The following NFASC variants were observed in gnomAD, a reference collection of about 807,000 sequenced individuals.
NFASC encodes neurofascin homolog.
A neutral mutation model predicts 147.5 loss-of-function variants in NFASC; 43 were observed. The observed-to-expected ratio is 0.29, with a 90% CI of 0.23 to 0.38. The LOEUF (loss-of-function observed/expected upper bound fraction) is 0.38, where lower values mean the gene tolerates loss of function less well. NFASC is among the 10% of genes least tolerant of loss of function. The pLI, the probability that NFASC is intolerant of heterozygous loss-of-function variation, is 1.00. For synonymous variants in NFASC, 622 were observed against 665.5 expected (o/e 0.93, Z 1.01); for missense variants, 1,320 against 1,689.0 (o/e 0.78, Z 3.83).
In NFASC at chr1:205,009,548, C is replaced by T. The variant is rs193298144; in HGVS notation, c.3290-9C>T. On this transcript the variant is annotated splice_polypyrimidine_tract_variant and intron_variant, in intron 27 of 29. Coordinates refer to ENST00000339876, the MANE Select transcript of NFASC (RefSeq NM_001005388.3). ...CATTCACGGGTTTGCTTCCGGCCCT[C>T]CCCGCCAGCTTACACCAACAACCAA... 3.5e-4 allele frequency: 567 copies of T among 1,613,888 alleles called. 1 individual carries two copies. The African/African-American group carries it at 6.3e-3, about 18-fold the overall frequency.
chr1:204,975,229 C>A lies in NFASC; in HGVS notation c.1559-42C>A. The A allele has an allele frequency of 1.3e-6, 2 of 1,568,296 alleles. No individual in the cohort carries two copies. Among genetic ancestry groups the A allele is most frequent in the Non-Finnish European group, 1.7e-6 (2 of 1,155,306 alleles). ...TTTGTGGCCGCATGGGGATGCTGGG[C>A]AGAGAACAGGCCAGTGGCGAGTGCT... is the stretch of plus-strand genomic sequence containing the variant. On this transcript the variant is annotated intron_variant, in intron 14 of 29. Coordinates refer to ENST00000339876, the MANE Select transcript of NFASC (RefSeq NM_001005388.3). This position sits in a 1 kb window ranked among gnomAD's most constrained non-coding sequence, Gnocchi z 4.0.
chr1:204,974,144 C>G (rs2095340739), intron 12 of NFASC, 35 bp from the exon 13 acceptor site: 1 of 1,551,800 alleles, frequency 6.4e-7, no homozygotes, highest in East Asian at 2.3e-5. Flanking sequence ...AGAGTTTAGA[C>G]TTGGCACTCG....
chr1:204,869,483 A>G (rs1255503640), intron 1 of NFASC, among the ~76,000 whole-genome samples: 1 of 152,188 alleles, frequency 6.6e-6, no homozygotes, highest in African/African-American at 2.4e-5. Flanking sequence ...TTTGATTAAA[A>G]TATTTTACTA....
intron 24 of NFASC, 27 bp from the exon 25 acceptor site, chr1:204,997,143 C>A: frequency 6.3e-7 from 1 of 1,592,990 alleles, no homozygotes; most frequent in Non-Finnish European, 8.6e-7. Context: ...ACCAACCAGA[C>A]TCGGCTGTTT....
Position 204,987,350 on chromosome 1 carries a change from T to G in NFASC, c.2471-68T>G. ...AATGCCTTCATACTTGTGCTTTGTT[T>G]TTTGTGTTTTCCTCATCCTCCCTGC... On this transcript the variant is annotated intron_variant, in intron 21 of 29. Coordinates refer to ENST00000339876, the MANE Select transcript of NFASC (RefSeq NM_001005388.3). This position sits in a 1 kb window ranked among gnomAD's most constrained non-coding sequence, Gnocchi z 4.4. 6.8e-7 allele frequency: 1 copy of G among 1,478,502 alleles called. No homozygotes were observed. The highest frequency in any genetic ancestry group is 9.3e-7 in the Non-Finnish European group (1 of 1,075,712). The allele number at this position is 1,478,502 out of a possible 1,614,324, so 91.6% of individuals were successfully genotyped here.
intron 1 of NFASC, among the ~76,000 whole-genome samples, chr1:204,880,678 G>A (rs746177553): frequency 2.3e-4 from 35 of 152,152 alleles, no homozygotes; most frequent in Non-Finnish European, 3.8e-4. Context: ...ATGGCAAGAG[G>A]TTTCATCTGG....
chr1:204,865,081 T>C (rs2759284), intron 1 of NFASC, among the ~76,000 whole-genome samples: 142,542 of 152,254 alleles, frequency 0.94, 66,870 homozygotes, highest in East Asian at 1. Flanking sequence ...ATATTTGGGT[T>C]GTTGACCCAT....
chr1:204,997,299 T>TCGC lies in NFASC; in HGVS notation c.2914_2916dup (p.Ala972dup). 1 of 1,604,358 alleles carries TCGC rather than the reference T, an allele frequency of 6.2e-7. No individual in the cohort carries two copies. The highest frequency in any genetic ancestry group is 8.5e-7 in the Non-Finnish European group (1 of 1,175,542). On this transcript the variant is annotated inframe_insertion, in exon 25 of 30. Transcript: ENST00000339876. ...ATCCCAACTGTCGCACCTACCACCA[T>TCGC]CGCCACCACCACCACCGTCGCCACA...
At position 205,002,408 on chromosome 1, in the gene NFASC, G is replaced by A. The variant is rs72755528; in HGVS notation, c.3137-188G>A. On this transcript the variant is annotated intron_variant, in intron 26 of 29. Transcript: ENST00000339876. ...CCCAGCTGAAGGGTCGTTTAAAAGC[G>A]TTAGTATTGCACAGACAGGCATAGG... Among the ~76,000 whole-genome samples the A allele has an allele frequency of 2.7e-3, 412 of 152,252 alleles. 4 individuals carry two copies. Among genetic ancestry groups the A allele is most frequent in the African/African-American group, 9.6e-3 (400 of 41,538 alleles).
chr1:204,843,938 A>G (rs1676232121), intron 1 of NFASC, among the ~76,000 whole-genome samples: 1 of 152,076 alleles, frequency 6.6e-6, no homozygotes, highest in African/African-American at 2.4e-5. Context: ...GGGTTTCTCC[A>G]CGTTGGTCGG....
intron 27 of NFASC, among the ~76,000 whole-genome samples, chr1:205,003,971 G>T (rs753979902): frequency 2.6e-5 from 4 of 152,200 alleles, no homozygotes; most frequent in African/African-American, 7.2e-5. Context: ...TAGCCAGGCC[G>T]ACTCAGGCAG....
rs192010642 is a variant in NFASC at position 204,997,569 on chromosome 1, C to T, written c.3019+163C>T. 102 of 784,360 alleles carry T rather than the reference C, an allele frequency of 1.3e-4. No homozygotes were observed. The East Asian group carries it at 2.7e-3, about 21-fold the overall frequency. 48.6% of individuals were successfully genotyped at this position (784,360 alleles called of 1,614,324 possible). A position where few individuals can be genotyped will look rare whatever the true frequency, so the allele number is the denominator to read the frequency against. On this transcript the variant is annotated intron_variant, in intron 25 of 29. Coordinates refer to ENST00000339876, the MANE Select transcript of NFASC (RefSeq NM_001005388.3). Reference sequence around the variant, plus strand: ...GGAAACTCACCCGTGACTGGATGCTCAGTCCCGTAGCCTGGAGGCCCAGAT... The same window carrying T: ...GGAAACTCACCCGTGACTGGATGCTTAGTCCCGTAGCCTGGAGGCCCAGAT...
intron 25 of NFASC, chr1:204,999,468 G>T (rs2095923879): frequency 6.6e-6 from 1 of 152,160 alleles, no homozygotes; most frequent in East Asian, 1.9e-4. Flanking sequence ...CAGAGCTGAG[G>T]AGGAAGAAAC....
chr1:204,912,140 C>T (rs1485923906), intron 1 of NFASC, among the ~76,000 whole-genome samples: 1 of 151,156 alleles, frequency 6.6e-6, no homozygotes, highest in South Asian at 2.1e-4. Flanking sequence ...GATTTCTGCT[C>T]TTTATTATTT....
intron 2 of NFASC, among the ~76,000 whole-genome samples, chr1:204,927,524 A>G (rs1486800665): frequency 1.3e-5 from 2 of 152,112 alleles, no homozygotes; most frequent in Non-Finnish European, 2.9e-5. Flanking sequence ...AGACCTTTTA[A>G]TGCTAATTCC....
At chr1:204,964,353 G>A (rs1402131299) in intron 8 of NFASC, among the ~76,000 whole-genome samples, 1 of 152,184 alleles carries the variant, frequency 6.6e-6, no homozygotes, top group African/African-American at 2.4e-5. Context: ...ACTGTATCCT[G>A]GATAGTTCTT....
At chr1:204,887,953 A>G in intron 1 of NFASC, among the ~76,000 whole-genome samples, 1 of 152,118 alleles carries the variant, frequency 6.6e-6, no homozygotes, top group Admixed American at 6.5e-5. Context: ...TCTGTTCTTA[A>G]TAAATTGGTG....
chr1:204,989,231 G>T, intron 23 of NFASC: 1 of 214,878 alleles, frequency 4.7e-6, no homozygotes, highest in South Asian at 7.0e-5. Flanking sequence ...TTTCTTCGAA[G>T]GCACATGGGT....
intron 24 of NFASC, among the ~76,000 whole-genome samples, chr1:204,991,569 C>G (rs981511442): frequency 1.3e-5 from 2 of 152,214 alleles, no homozygotes; most frequent in Non-Finnish European, 2.9e-5. Context: ...ACACACACAC[C>G]GGCCCTGACC....
Sources: allele counts gnomAD v4.1 joint callset (sites outside exome capture counted in the v4.1 genomes callset), GRCh38; gene constraint gnomAD v4.1.1; non-coding constraint Gnocchi (gnomAD v3.1); transcripts MANE v1.5; gene names NCBI Gene and HGNC (gene_info 2026-07-23, HGNC 2026-07-21).